The following SRRM2 variants were observed in gnomAD, a reference collection of about 807,000 sequenced individuals.
SRRM2 encodes the protein serine/arginine repetitive matrix 2, also known as serine/arginine repetitive matrix protein 2.
Under a neutral mutation model 213.8 loss-of-function variants are expected in SRRM2, and 30 were observed. That is an observed-to-expected ratio of 0.14 (90% confidence interval 0.10 to 0.19). SRRM2 has a LOEUF of 0.19. Among genes scored for constraint, SRRM2 ranks in the 10% least tolerant of loss-of-function variants. The pLI is 1.00. For missense variants in SRRM2, 4,904 were observed against 3,647.0 expected (o/e 1.34, Z -8.88); for synonymous variants, 2,025 against 1,377.7 (o/e 1.47, Z -10.40).
Position 2,756,399 on chromosome 16 carries a change from G to C in SRRM2, c.35G>C (p.Gly12Ala). The C allele has an allele frequency of 1.2e-6, 2 of 1,609,328 alleles. No homozygotes were observed. The highest frequency in any genetic ancestry group is 1.7e-6 in the Non-Finnish European group (2 of 1,178,392). Reference sequence around the variant, plus strand: ...GGGATCGGGCTGCCGACGCCCCGGGGCAGCGGCACCAACGGCTACGTCCAG... The same window carrying C: ...GGGATCGGGCTGCCGACGCCCCGGGCCAGCGGCACCAACGGCTACGTCCAG... Reference protein sequence around the residue: ...YNGIGLPTPRGSGTNGYVQRN... With the variant: ...YNGIGLPTPRASGTNGYVQRN... Residue 12 changes from glycine to alanine, a missense_variant, in exon 2 of 15, where the codon GGC becomes GCC. Coordinates refer to ENST00000301740, the MANE Select transcript of SRRM2 (RefSeq NM_016333.4).
rs1400696265 is a variant in SRRM2 at position 2,762,941 on chromosome 16, AAAG to A, written c.2414_2416del (p.Lys805_Ala806delinsThr). The A allele has an allele frequency of 2.5e-6, 4 of 1,610,204 alleles. No homozygotes were observed. The highest frequency in any genetic ancestry group is 4.5e-5 in the East Asian group (2 of 44,884). ...CAGTCGCTCTGGATCCTCCCAACCT[AAAG>A]CTAAATCTAGAACGCCACCCAGACG... On this transcript the variant is annotated inframe_deletion, in exon 11 of 15. Transcript: ENST00000301740.
In SRRM2 at chr16:2,759,011, G is replaced by A. The variant is rs911354079; in HGVS notation, c.620G>A (p.Arg207Gln). The change falls in exon 6 of 15, where the codon CGG (arginine) becomes CAG (glutamine). Residue 207 changes from arginine to glutamine, a missense_variant. Arg to Gln is a conservative substitution (Grantham distance 43, BLOSUM62 1). Coordinates refer to ENST00000301740, the MANE Select transcript of SRRM2 (RefSeq NM_016333.4). ...GRRSESSSPR[R>Q]ERKKSSKKKK... is the part of the protein sequence containing the mutation. ...AGGTCAGAGAGCAGCTCTCCTCGAC[G>A]GGAGAGAAAGAAAAGCTCAAAGAAG... The A allele has an allele frequency of 6.2e-7, 1 of 1,614,148 alleles. No individual in the cohort carries two copies. Among genetic ancestry groups the A allele is most frequent in the Non-Finnish European group, 8.5e-7 (1 of 1,180,038 alleles).
In SRRM2 at chr16:2,770,965, C is replaced by G; in HGVS notation, c.*98C>G. The G allele has an allele frequency of 6.7e-7, 1 of 1,496,618 alleles. No individual in the cohort carries two copies. The allele number at this position is 1,496,618 out of a possible 1,614,324, so 92.7% of individuals were successfully genotyped here. A position where few individuals can be genotyped will look rare whatever the true frequency, so the allele number is the denominator to read the frequency against. On this transcript the variant is annotated 3_prime_UTR_variant, in exon 15 of 15. Transcript: ENST00000301740. The stretch of plus-strand genomic sequence containing the variant: ...CCGTGGGAGGGTCCTTGTCTGCTCT[C>G]CTTTGAACCTTGGCAGCCCTTGGAT...
rs201853767 is a variant in SRRM2, at chr16:2,765,989, C to G, written c.5461C>G (p.His1821Asp). 6.2e-7 allele frequency: 1 copy of G among 1,614,150 alleles called. No homozygotes were observed. Among genetic ancestry groups the G allele is most frequent in the African/African-American group, 1.3e-5 (1 of 75,024 alleles). ...TRRRRGGSGY[H>D]SRSPARQESS... ...GCGGCGGAGGGGAGGCTCTGGTTAT[C>G]ACTCAAGGTCACCTGCCCGGCAGGA... is the stretch of plus-strand genomic sequence containing the variant. Residue 1821 changes from histidine (H) to aspartate (D), a missense_variant, in exon 11 of 15, where the codon CAC becomes GAC. By Grantham distance (81) the His-to-Asp change is moderately conservative. Coordinates refer to ENST00000301740, the MANE Select transcript of SRRM2 (RefSeq NM_016333.4).
At position 2,752,664 on chromosome 16, in the gene SRRM2, G is replaced by C. The variant is rs187061177; in HGVS notation, c.-214G>C. On this transcript the variant is annotated 5_prime_UTR_variant, in exon 1 of 15. Transcript: ENST00000301740. ...TGCTGACGTGCAGCGCGGCCCAGGC[G>C]GGGTGCGAGTGGCGCAGTTGGAGCC... 5 of 268,292 alleles carry C rather than the reference G, an allele frequency of 1.9e-5. No individual in the cohort carries two copies. The highest frequency in any genetic ancestry group is 5.3e-5 in the South Asian group (2 of 37,544). The allele number at this position is 268,292 out of a possible 1,614,324, so 16.6% of individuals were successfully genotyped here.
At chr16:2,768,748 C>T (rs1398801759) in intron 11 of SRRM2, 7 of 757,148 alleles carry the variant, frequency 9.2e-6, no homozygotes, top group Admixed American at 8.0e-5. Flanking sequence ...CCTTATTCCT[C>T]CATCAGGGAC....
rs374608323 is a variant in SRRM2, at chr16:2,770,727, C to G, written c.8249+10C>G. 1 of 1,574,246 alleles carries G rather than the reference C, an allele frequency of 6.4e-7. No individual in the cohort carries two copies. The highest frequency in any genetic ancestry group is 1.8e-5 in the Admixed American group (1 of 54,176). On this transcript the variant is annotated intron_variant, in intron 14 of 14. Transcript: ENST00000301740. ...GACACCGCTCCTCCAGGTGCGTGTC[C>G]TGGAAGGCTGATGCCCCCTTCCGGG...
rs539997896 is a variant in SRRM2, at chr16:2,763,106, G to A, written c.2578G>A (p.Ala860Thr). The change falls in exon 11 of 15, where the codon GCC becomes ACC. Residue 860 changes from alanine (A) to threonine (T), a missense_variant. Ala to Thr is a moderately conservative substitution (Grantham distance 58, BLOSUM62 0). Coordinates refer to ENST00000301740, the MANE Select transcript of SRRM2 (RefSeq NM_016333.4). ...GCAAGGGTCCATAACAAGTCCCCAG[G>A]CCAATGAGCAATCTGTAACGCCACA... ...PRQGSITSPQ[A>T]NEQSVTPQRR... 46 of 1,614,032 alleles carry A rather than the reference G, an allele frequency of 2.9e-5. 1 individual carries two copies. The South Asian group carries it at 5.1e-4, about 18-fold the overall frequency.
rs1265254275 is a variant in SRRM2 at position 2,764,075 on chromosome 16, CAGAA to C, written c.3551_3554del (p.Lys1184ThrfsTer54). 6.2e-7 allele frequency: 1 copy of C among 1,614,026 alleles called. No homozygotes were observed. The highest frequency in any genetic ancestry group is 1.3e-5 in the African/African-American group (1 of 74,934). ...GGATGCTACTGCATCACCTCCTAGA[CAGAA>C]AGACAAATTTAGTCCCTTTCCAGTA... On this transcript the variant is annotated frameshift_variant, in exon 11 of 15. Coordinates refer to ENST00000301740, the MANE Select transcript of SRRM2 (RefSeq NM_016333.4). LOFTEE classifies it high-confidence loss of function.
At chr16:2,759,875 T>G in intron 9 of SRRM2, 2 of 577,724 alleles carry the variant, frequency 3.5e-6, no homozygotes, top group Non-Finnish European at 3.0e-6. Flanking sequence ...TTTGTTATTT[T>G]TGTTTCGTTC....
Position 2,761,861 on chromosome 16 carries a change from C to T in SRRM2, c.1333C>T (p.Pro445Ser), listed in dbSNP as rs1338610344. The T allele has an allele frequency of 1.9e-6, 3 of 1,610,366 alleles. No homozygotes were observed. Among genetic ancestry groups the T allele is most frequent in the Non-Finnish European group, 2.5e-6 (3 of 1,179,266 alleles). Reference protein sequence around the residue: ...SSSPESPKPAPAPGSHREISS... With the variant: ...SSSPESPKPASAPGSHREISS... The stretch of plus-strand genomic sequence containing the variant: ...TTCCCCAGAAAGTCCTAAACCTGCT[C>T]CAGCTCCAGGGTCCCACCGAGAGAT... Residue 445 changes from proline (P) to serine (S), a missense_variant, in exon 11 of 15, where the codon CCA (proline) becomes TCA (serine). Transcript: ENST00000301740.
At position 2,761,785 on chromosome 16, in the gene SRRM2, G is replaced by C. The variant is rs753073585; in HGVS notation, c.1257G>C (p.Glu419Asp). The change falls in exon 11 of 15, where the codon GAG becomes GAC. Residue 419 changes from glutamate to aspartate, a missense_variant. Transcript: ENST00000301740. ...AACTTCCCCAGTCTTCTTCCTCAGA[G>C]AGCAGCCCACCATCCCCTCAACCTA... ...PEKLPQSSSS[E>D]SSPPSPQPTK... 6.2e-7 allele frequency: 1 copy of C among 1,613,848 alleles called. No homozygotes were observed. The highest frequency in any genetic ancestry group is 1.1e-5 in the South Asian group (1 of 91,064).
rs746068481 is a variant in SRRM2, at chr16:2,766,940, C to T, written c.6412C>T (p.Pro2138Ser). 6.2e-7 allele frequency: 1 copy of T among 1,614,142 alleles called. No individual in the cohort carries two copies. Among genetic ancestry groups the T allele is most frequent in the Non-Finnish European group, 8.5e-7 (1 of 1,180,034 alleles). ...CTGCAGATCACCTGGAATGCTTGAACCCCTTGGCAGCTCTAGAACACCCAT... is the reference window on the plus strand; with the variant it reads ...CTGCAGATCACCTGGAATGCTTGAATCCCTTGGCAGCTCTAGAACACCCAT... ...DRCRSPGMLE[P>S]LGSSRTPMSV... The change falls in exon 11 of 15, where the codon CCC (proline) becomes TCC (serine). Residue 2138 changes from proline to serine, a missense_variant. Physicochemically the swap from Pro to Ser is moderately conservative, Grantham distance 74 (BLOSUM62 -1). Transcript: ENST00000301740. This position sits in a 1 kb window ranked among gnomAD's most constrained non-coding sequence, Gnocchi z 7.0.
chr16:2,760,754 C>G (rs936044853), intron 10 of SRRM2: 3 of 456,548 alleles, frequency 6.6e-6, no homozygotes, highest in Admixed American at 3.5e-5. Flanking sequence ...ATAGATAGAA[C>G]TGGAACAAAC....
At chr16:2,768,585 G>A (rs1281917521) in intron 11 of SRRM2, 1 of 634,666 alleles carries the variant, frequency 1.6e-6, no homozygotes, top group Non-Finnish European at 2.9e-6. Context: ...CCCTGGGCTG[G>A]AAGGATCTTC....
rs1394096958 is a variant in SRRM2, at chr16:2,761,707, C to A, written c.1179C>A (p.Pro393=). 2.5e-6 allele frequency: 4 copies of A among 1,605,890 alleles called. No homozygotes were observed. Reference sequence around the variant, plus strand: ...CCTTAAGCCAGGAGCCAGTGAACCCCCCATCTGAGGCCTCTCCAACTCGGG... The same window carrying A: ...CCTTAAGCCAGGAGCCAGTGAACCCACCATCTGAGGCCTCTCCAACTCGGG... ...TTPLSQEPVN[P]PSEASPTRDR... is the part of the protein sequence containing the mutation. The change falls in exon 11 of 15, where the codon CCC becomes CCA. Residue 393 remains proline (P), a synonymous_variant. Coordinates refer to ENST00000301740, the MANE Select transcript of SRRM2 (RefSeq NM_016333.4).
intron 1 of SRRM2, 125 bp from the exon 2 acceptor site, chr16:2,756,209 G>A (rs569918649): frequency 1.4e-5 from 13 of 954,932 alleles, no homozygotes; most frequent in Non-Finnish European, 2.0e-5. Flanking sequence ...GCATTATACA[G>A]CGAAGACTTA....
rs776735683 is a variant in SRRM2 at position 2,762,909 on chromosome 16, C to A, written c.2381C>A (p.Pro794His). 3 of 1,612,752 alleles carry A rather than the reference C, an allele frequency of 1.9e-6. No individual in the cohort carries two copies. Among genetic ancestry groups the A allele is most frequent in the East Asian group, 4.5e-5 (2 of 44,882 alleles). ...CCTAAACAAAAGTCACAGACACCAC[C>A]CAGGCGCAGTCGCTCTGGATCCTCC... ...PCPKQKSQTP[P>H]RRSRSGSSQP... The change falls in exon 11 of 15, where the codon CCC becomes CAC. Residue 794 changes from proline to histidine, a missense_variant. Transcript: ENST00000301740.
Position 2,756,435 on chromosome 16 carries a change from C to A in SRRM2, c.71C>A (p.Ser24Tyr), listed in dbSNP as rs2068144199. 6.2e-7 allele frequency: 1 copy of A among 1,612,400 alleles called. No individual in the cohort carries two copies. Among genetic ancestry groups the A allele is most frequent in the Non-Finnish European group, 8.5e-7 (1 of 1,179,386 alleles). Residue 24 changes from serine to tyrosine, a missense_variant, in exon 2 of 15, where the codon TCC becomes TAC. Physicochemically the swap from Ser to Tyr is moderately radical, Grantham distance 144. Transcript: ENST00000301740. ...GTNGYVQRNL[S>Y]LVRGRRGERP... ...AACGGCTACGTCCAGCGCAACCTGT[C>A]CCTGGTGCGGGGCCGCCGGGGTGAG...
Sources: gnomAD v4.1 joint callset for allele counts on GRCh38, gnomAD v4.1.1 for gene constraint, Gnocchi (gnomAD v3.1) non-coding constraint, MANE v1.5 for transcripts, NCBI Gene and HGNC (gene_info 2026-07-23, HGNC 2026-07-21) for gene names.